The following SLC39A11 variants were observed in gnomAD, a reference collection of about 807,000 sequenced individuals.
SLC39A11 encodes the protein solute carrier family 39 member 11.
A neutral mutation model predicts 36.1 loss-of-function variants in SLC39A11; 33 were observed. The observed-to-expected ratio is 0.91, with a 90% CI of 0.69 to 1.22. The LOEUF is 1.22. Among genes scored for constraint, SLC39A11 ranks in the 50% most tolerant of loss-of-function variants. The pLI is 0.00. For synonymous variants in SLC39A11, 166 were observed against 170.3 expected, an observed-to-expected ratio of 0.97 and a Z score of 0.20; for missense variants, 432 against 430.3, an observed-to-expected ratio of 1.00 and a Z score of -0.03.
chr17:73,091,481 A>G (rs1260642491), intron 1 of SLC39A11, among the ~76,000 whole-genome samples: 1 of 152,168 alleles, frequency 6.6e-6, no homozygotes, highest in East Asian at 1.9e-4. Flanking sequence ...TAAAACTGGT[A>G]AAACTTCTAC....
At chr17:73,008,701 G>T (rs2090331283) in intron 4 of SLC39A11, among the ~76,000 whole-genome samples, 1 of 152,200 alleles carries the variant, frequency 6.6e-6, no homozygotes, top group African/African-American at 2.4e-5. Context: ...AGCAATGGAT[G>T]AATGGAACAC....
intron 7 of SLC39A11, among the ~76,000 whole-genome samples, chr17:72,676,189 G>C (rs929350829): frequency 6.6e-6 from 1 of 152,042 alleles, no homozygotes; most frequent in South Asian, 2.1e-4. Flanking sequence ...CCTGAAACAG[G>C]AAATAATTAT....
At chr17:72,746,083 G>A (rs2074923129) in intron 6 of SLC39A11, among the ~76,000 whole-genome samples, 1 of 152,158 alleles carries the variant, frequency 6.6e-6, no homozygotes, top group Admixed American at 6.5e-5. Flanking sequence ...CTGAAGGAAG[G>A]TCAAGGGTGT....
chr17:72,995,566 A>G (rs908059764), intron 4 of SLC39A11, among the ~76,000 whole-genome samples: 1 of 152,258 alleles, frequency 6.6e-6, no homozygotes, highest in East Asian at 1.9e-4. Flanking sequence ...AGCATGGGTG[A>G]GTATCATCCA....
intron 5 of SLC39A11, among the ~76,000 whole-genome samples, chr17:72,934,835 C>T (rs1430226864): frequency 6.6e-6 from 1 of 152,192 alleles, no homozygotes; most frequent in Non-Finnish European, 1.5e-5. Context: ...GAGACCACTA[C>T]TACACTCATT....
At chr17:72,901,879 G>C (rs968721675) in intron 5 of SLC39A11, among the ~76,000 whole-genome samples, 3 of 152,150 alleles carry the variant, frequency 2.0e-5, no homozygotes, top group Non-Finnish European at 4.4e-5. Flanking sequence ...CACAGCTAGG[G>C]CCTCCCTGGG....
At chr17:72,839,427 A>T (rs2078710251) in intron 6 of SLC39A11, 1 of 152,122 alleles carries the variant, frequency 6.6e-6, no homozygotes, top group Non-Finnish European at 1.5e-5. Flanking sequence ...GCAGAGGGAG[A>T]TTTGGCACAG....
At chr17:72,804,896 T>C (rs987608689) in intron 6 of SLC39A11, among the ~76,000 whole-genome samples, 2 of 152,080 alleles carry the variant, frequency 1.3e-5, no homozygotes, top group African/African-American at 2.4e-5. Flanking sequence ...GGCGTGCACC[T>C]TTAATCCCAT....
chr17:72,776,039 T>A lies in SLC39A11; in HGVS notation c.602-39320A>T, dbSNP rs955992503. Among the ~76,000 whole-genome samples the A allele has an allele frequency of 2.6e-5, 4 of 152,164 alleles. No individual in the cohort carries two copies. The South Asian group carries it at 6.2e-4, about 24-fold the overall frequency. On this transcript the variant is annotated intron_variant, in intron 6 of 9. Coordinates refer to ENST00000255559, the MANE Select transcript of SLC39A11 (RefSeq NM_139177.4). Reference sequence around the variant, plus strand: ...GTTCCCTCTCCCTGGATCAGGCTGGTCCAGGAAGAATTGGGGAATACAGAT... The same window carrying A: ...GTTCCCTCTCCCTGGATCAGGCTGGACCAGGAAGAATTGGGGAATACAGAT...
At chr17:72,773,679 C>CACACACACACA (rs57105900) in intron 6 of SLC39A11, among the ~76,000 whole-genome samples, 3,701 of 145,774 alleles carry the variant, frequency 0.025, 154 homozygotes, top group African/African-American at 0.083. Flanking sequence ...ACACACACAC[C>CACACACACACA]CAGTATATAA....
At chr17:72,993,924 G>A (rs1413093880) in intron 4 of SLC39A11, among the ~76,000 whole-genome samples, 1 of 152,148 alleles carries the variant, frequency 6.6e-6, no homozygotes. Flanking sequence ...ATTCCCACAT[G>A]TCCTGGGAGG....
At chr17:72,947,323 A>G (rs1461279918) in intron 5 of SLC39A11, among the ~76,000 whole-genome samples, 1 of 151,926 alleles carries the variant, frequency 6.6e-6, no homozygotes. Context: ...CGGGGGGAAA[A>G]AAAAAATCCA....
intron 3 of SLC39A11, among the ~76,000 whole-genome samples, chr17:73,063,376 T>G (rs1002516217): frequency 2.6e-5 from 4 of 152,170 alleles, no homozygotes; most frequent in Admixed American, 2.6e-4. Flanking sequence ...CATGTATCTT[T>G]CACTCTTATA....
chr17:72,655,467 G>A (rs2070066943), intron 7 of SLC39A11, among the ~76,000 whole-genome samples: 1 of 152,232 alleles, frequency 6.6e-6, no homozygotes, highest in African/African-American at 2.4e-5. Flanking sequence ...TGGAGATCTC[G>A]GTTTATTGCC....
chr17:72,906,308 G>C (rs895687375), intron 5 of SLC39A11, among the ~76,000 whole-genome samples: 1 of 152,248 alleles, frequency 6.6e-6, no homozygotes, highest in African/African-American at 2.4e-5. Context: ...AGCCACAAAT[G>C]GCCAGGAAGC....
intron 5 of SLC39A11, among the ~76,000 whole-genome samples, chr17:72,908,538 G>A (rs993290362): frequency 2.0e-5 from 3 of 152,220 alleles, no homozygotes; most frequent in Admixed American, 1.3e-4. Context: ...AGAGAGCCCC[G>A]GCTTGCCAGG....
Position 72,780,884 on chromosome 17 carries a change from G to A in SLC39A11, c.602-44165C>T, listed in dbSNP as rs533514096. Among the ~76,000 whole-genome samples the A allele has an allele frequency of 1.1e-4, 17 of 152,272 alleles. 1 individual carries two copies. Among genetic ancestry groups the A allele is most frequent in the East Asian group, 3.9e-4 (2 of 5,186 alleles). ...CGTCTGTAATCCCAGCTACTTGGGC[G>A]GCTGAAGCAGGAGAATTGCTTGAAC... On this transcript the variant is annotated intron_variant, in intron 6 of 9. Transcript: ENST00000255559.
intron 4 of SLC39A11, among the ~76,000 whole-genome samples, chr17:73,022,519 TG>T (rs952717685): frequency 1.5e-5 from 2 of 135,290 alleles, no homozygotes; most frequent in Non-Finnish European, 3.1e-5. Flanking sequence ...CGCTTGAACC[TG>T]GGAGGCGAAG....
intron 5 of SLC39A11, among the ~76,000 whole-genome samples, chr17:72,883,525 A>ACCAT (rs2081308513): frequency 6.6e-6 from 1 of 151,786 alleles, no homozygotes; most frequent in Non-Finnish European, 1.5e-5. Context: ...GAAGCTAGCC[A>ACCAT]GTTAATTACA....
Sources: allele counts gnomAD v4.1 joint callset (sites outside exome capture counted in the v4.1 genomes callset), GRCh38; gene constraint gnomAD v4.1.1; transcripts MANE v1.5; gene names NCBI Gene and HGNC (gene_info 2026-07-23, HGNC 2026-07-21).